FGFR4: variants seen among roughly 807,000 people sequenced by gnomAD.
FGFR4 encodes hydroxyaryl-protein kinase.
A neutral mutation model predicts 89.9 loss-of-function variants in FGFR4; 63 were observed. The observed-to-expected ratio is 0.70, with a 90% CI of 0.57 to 0.86. The LOEUF is 0.86. Ranked by LOEUF, FGFR4 falls within the 40% of genes least tolerant of loss-of-function variation. The pLI is 0.00. For missense variants in FGFR4, 928 were observed against 1,106.7 expected (o/e 0.84, Z 2.29); for synonymous variants, 486 against 479.4 (o/e 1.01, Z -0.18).
At chr5:177,097,200 A>T (rs928664009) in intron 16 of FGFR4, 92 bp from the exon 17 acceptor site, 5 of 1,031,684 alleles carry the variant, frequency 4.8e-6, no homozygotes, top group Non-Finnish European at 7.0e-6. Context: ...CAAACTCCCC[A>T]CCAAACTCCT....
intron 1 of FGFR4, among the ~76,000 whole-genome samples, chr5:177,088,695 T>C (rs938299471): frequency 5.3e-5 from 8 of 152,178 alleles, no homozygotes; most frequent in Non-Finnish European, 1.0e-4. Context: ...GGGGTGTGTG[T>C]ACATCACAGC....
At position 177,097,914 on chromosome 5, in the gene FGFR4, G is replaced by T; in HGVS notation, c.*238G>T. 1 of 457,748 alleles carries T rather than the reference G, an allele frequency of 2.2e-6. No homozygotes were observed. Among genetic ancestry groups the T allele is most frequent in the African/African-American group, 1.9e-5 (1 of 51,712 alleles). The allele number at this position is 457,748 out of a possible 1,614,324, so 28.4% of individuals were successfully genotyped here. A position where few individuals can be genotyped will look rare whatever the true frequency, so the allele number is the denominator to read the frequency against. On this transcript the variant is annotated 3_prime_UTR_variant, in exon 18 of 18. Coordinates refer to ENST00000292408, the MANE Select transcript of FGFR4 (RefSeq NM_213647.3). ...GCGCTTAGTCCCCATCCCGGGTTTG[G>T]CTGAGCCTGGCTGGAGAGCTGCTAT...
At chr5:177,091,168 A>T (rs1784355719) in intron 5 of FGFR4, 64 bp downstream of exon 5, 1 of 1,474,144 alleles carries the variant, frequency 6.8e-7, no homozygotes, top group Admixed American at 2.3e-5. Flanking sequence ...GTCCCCTCAT[A>T]CCTACAAGCA....
At position 177,096,312 on chromosome 5, in the gene FGFR4, C is replaced by T. The variant is rs780521793; in HGVS notation, c.1970C>T (p.Ala657Val). Reference protein sequence around the residue: ...SNGRLPVKWMAPEALFDRVYT... With the variant: ...SNGRLPVKWMVPEALFDRVYT... The stretch of plus-strand genomic sequence containing the variant: ...GGCCGCCTGCCTGTGAAGTGGATGG[C>T]GCCCGAGGCCTTGTTTGACCGGGTG... The change falls in exon 15 of 18, where the codon GCG (alanine) becomes GTG (valine). Residue 657 changes from alanine to valine, a missense_variant. By Grantham distance (64) the Ala-to-Val change is moderately conservative. This residue lies in a region of FGFR4 where 27 missense variants were observed against 64.4 expected (regional missense o/e 0.42). Transcript: ENST00000292408. 1 of 1,614,046 alleles carries T rather than the reference C, an allele frequency of 6.2e-7. No individual in the cohort carries two copies. Among genetic ancestry groups the T allele is most frequent in the Non-Finnish European group, 8.5e-7 (1 of 1,179,994 alleles).
chr5:177,096,831 G>A (rs2149739511), intron 16 of FGFR4, 90 bp downstream of exon 16: 1 of 1,463,996 alleles, frequency 6.8e-7, no homozygotes. Context: ...CGGCCAGAAG[G>A]ACAACACTAA....
rs562702722 is a variant in FGFR4 at position 177,091,587 on chromosome 5, C to G, written c.604-98C>G. The G allele has an allele frequency of 3.3e-6, 5 of 1,517,742 alleles. No individual in the cohort carries two copies. In the East Asian group the frequency reaches 9.2e-5, roughly 28 times the overall value. The allele number at this position is 1,517,742 out of a possible 1,614,324, so 94.0% of individuals were successfully genotyped here. On this transcript the variant is annotated intron_variant, in intron 5 of 17. Coordinates refer to ENST00000292408, the MANE Select transcript of FGFR4 (RefSeq NM_213647.3). ...TGTTCTCAGGGCCTAGAGAGCTTGA[C>G]AAGAGCCCTGTGGGCAGGATGAGGA...
rs371331546 is a variant in FGFR4 at position 177,096,155 on chromosome 5, T to G, written c.1920T>G (p.Ile640Met). 1.2e-4 allele frequency: 197 copies of G among 1,613,866 alleles called. No individual in the cohort carries two copies. The highest frequency in any genetic ancestry group is 1.5e-4 in the Non-Finnish European group (175 of 1,179,964). Residue 640 changes from isoleucine (I) to methionine (M), a missense_variant, in exon 14 of 18, where the codon ATT becomes ATG. Physicochemically the swap from Ile to Met is conservative, Grantham distance 10. Around this residue, in one of 5 missense-constraint regions of FGFR4, gnomAD observed 20 missense variants for 17.3 expected, o/e 1.16. Coordinates refer to ENST00000292408, the MANE Select transcript of FGFR4 (RefSeq NM_213647.3). ...GGCTGGCCCGCGGCGTCCACCACAT[T>G]GACTACTATAAGAAAACCAGCAACG... Reference protein sequence around the residue: ...DFGLARGVHHIDYYKKTSNGR... With the variant: ...DFGLARGVHHMDYYKKTSNGR...
chr5:177,095,850 T>G lies in FGFR4; in HGVS notation c.1821+127T>G. ...GACCCCACCTCAGTGTCCCCAGGCA[T>G]TCACGCTTTCCTGCATTCCCCACTC... is the stretch of plus-strand genomic sequence containing the variant. On this transcript the variant is annotated intron_variant, in intron 13 of 17. Coordinates refer to ENST00000292408, the MANE Select transcript of FGFR4 (RefSeq NM_213647.3). The surrounding 1 kb of genome is among the most constrained non-coding windows in gnomAD (Gnocchi z 5.7). The G allele has an allele frequency of 7.9e-7, 1 of 1,263,728 alleles. No individual in the cohort carries two copies. Among genetic ancestry groups the G allele is most frequent in the Non-Finnish European group, 1.1e-6 (1 of 933,078 alleles). The allele number at this position is 1,263,728 out of a possible 1,614,324, so 78.3% of individuals were successfully genotyped here.
chr5:177,094,378 T>C (rs1784476263), intron 11 of FGFR4, among the ~76,000 whole-genome samples: 1 of 152,160 alleles, frequency 6.6e-6, no homozygotes, highest in Admixed American at 6.5e-5. Context: ...GGGGTGATGA[T>C]GATGAGAAGA....
At chr5:177,088,031 G>GT (rs553068025) in intron 1 of FGFR4, among the ~76,000 whole-genome samples, 4 of 152,104 alleles carry the variant, frequency 2.6e-5, no homozygotes, top group Admixed American at 6.5e-5. Context: ...TTTTTTGTTT[G>GT]TTTTTTTATT....
intron 2 of FGFR4, chr5:177,090,135 CGTGT>C (rs59390048): frequency 6.8e-5 from 44 of 651,012 alleles, no homozygotes; most frequent in Middle Eastern, 2.7e-4. Flanking sequence ...TGTGTGTATG[CGTGT>C]GTGTGTGTGT....
rs1784544399 is a variant in FGFR4, at chr5:177,095,942, ACCT to A, written c.1822-107_1822-105del. 24 of 1,423,964 alleles carry A rather than the reference ACCT, an allele frequency of 1.7e-5. No homozygotes were observed. Among genetic ancestry groups the A allele is most frequent in the Middle Eastern group, 2.6e-4 (1 of 3,896 alleles). 88.2% of individuals were successfully genotyped at this position (1,423,964 alleles called of 1,614,324 possible). On this transcript the variant is annotated intron_variant, in intron 13 of 17. Transcript: ENST00000292408. The surrounding 1 kb of genome is among the most constrained non-coding windows in gnomAD (Gnocchi z 5.7). ...AGGCACTCCCCGTTTCTAAACCTTG[ACCT>A]CCTCCTCTGTAAAGTGGGTGGAGGG... is the stretch of plus-strand genomic sequence containing the variant.
chr5:177,091,952 G>A, intron 6 of FGFR4, 144 bp downstream of exon 6: 1 of 1,076,814 alleles, frequency 9.3e-7, no homozygotes, highest in Non-Finnish European at 1.4e-6. Context: ...AAAGCACAGG[G>A]GTTAGTGTGG....
At position 177,087,414 on chromosome 5, in the gene FGFR4, G is replaced by A. The variant is rs1784190532; in HGVS notation, c.-54+337G>A. 1 of 182,934 alleles carries A rather than the reference G, an allele frequency of 5.5e-6. No individual in the cohort carries two copies. Among genetic ancestry groups the A allele is most frequent in the Non-Finnish European group, 1.0e-5 (1 of 96,328 alleles). 11.3% of individuals were successfully genotyped at this position (182,934 alleles called of 1,614,324 possible). ...GGAGGACAAGCGCGCTTGTCCCTGC[G>A]GCTGTCTTCGCGCCGGCGGCAGAGA... On this transcript the variant is annotated intron_variant, in intron 1 of 17. Transcript: ENST00000292408. This position sits in a 1 kb window ranked among gnomAD's most constrained non-coding sequence, Gnocchi z 6.1.
At position 177,093,030 on chromosome 5, in the gene FGFR4, GT is replaced by G; in HGVS notation, c.1058-107del. The G allele has an allele frequency of 6.9e-7, 1 of 1,450,620 alleles. No individual in the cohort carries two copies. The highest frequency in any genetic ancestry group is 1.2e-5 in the South Asian group (1 of 85,320). 89.9% of individuals were successfully genotyped at this position (1,450,620 alleles called of 1,614,324 possible). A position where few individuals can be genotyped will look rare whatever the true frequency, so the allele number is the denominator to read the frequency against. ...CATAACTACAGCTTCCTCCGTGTGT[GT>G]CCCCACATATGTTGGGAGCTGGGAG... is the stretch of plus-strand genomic sequence containing the variant. On this transcript the variant is annotated intron_variant, in intron 8 of 17. Transcript: ENST00000292408. The surrounding 1 kb of genome is among the most constrained non-coding windows in gnomAD (Gnocchi z 5.8).
rs1358270816 is a variant in FGFR4 at position 177,096,662 on chromosome 5, GGC to G, written c.2075_2076del (p.Gly692AspfsTer32). On this transcript the variant is annotated frameshift_variant, in exon 16 of 18. Coordinates refer to ENST00000292408, the MANE Select transcript of FGFR4 (RefSeq NM_213647.3). LOFTEE classifies it high-confidence loss of function. ...CACCCTCGGGGGCTCCCCGTATCCT[GGC>G]ATCCCGGTGGAGGAGCTGTTCTCGC... ...IFTLGGSPYP[G>X]IPVEELFSLL... 7 of 1,612,078 alleles carry G rather than the reference GGC, an allele frequency of 4.3e-6. No homozygotes were observed. Among genetic ancestry groups the G allele is most frequent in the African/African-American group, 1.3e-5 (1 of 74,838 alleles).
At chr5:177,089,143 A>T (rs1191836719) in intron 1 of FGFR4, among the ~76,000 whole-genome samples, 1 of 152,032 alleles carries the variant, frequency 6.6e-6, no homozygotes, top group East Asian at 1.9e-4. Context: ...CTGAAGTTTG[A>T]CCTTGTGTCA....
rs970929567 is a variant in FGFR4 at position 177,095,230 on chromosome 5, A to G, written c.1520-100A>G. On this transcript the variant is annotated intron_variant, in intron 11 of 17. Coordinates refer to ENST00000292408, the MANE Select transcript of FGFR4 (RefSeq NM_213647.3). This position sits in a 1 kb window ranked among gnomAD's most constrained non-coding sequence, Gnocchi z 5.7. ...CTAGCAAGGATTCAGCCCTAGACCT[A>G]CGTAGCCCTGGTCCAGTGCTGCTTG... is the stretch of plus-strand genomic sequence containing the variant. The G allele has an allele frequency of 5.2e-6, 5 of 957,050 alleles. No homozygotes were observed. The highest frequency in any genetic ancestry group is 1.6e-5 in the African/African-American group (1 of 61,948). 59.3% of individuals were successfully genotyped at this position (957,050 alleles called of 1,614,324 possible).
Position 177,095,795 on chromosome 5 carries a change from C to G in FGFR4, c.1821+72C>G. The G allele has an allele frequency of 1.4e-6, 2 of 1,408,566 alleles. No homozygotes were observed. Among genetic ancestry groups the G allele is most frequent in the Non-Finnish European group, 1.9e-6 (2 of 1,055,316 alleles). The allele number at this position is 1,408,566 out of a possible 1,614,324, so 87.3% of individuals were successfully genotyped here. On this transcript the variant is annotated intron_variant, in intron 13 of 17. Transcript: ENST00000292408. This position sits in a 1 kb window ranked among gnomAD's most constrained non-coding sequence, Gnocchi z 5.7. The stretch of plus-strand genomic sequence containing the variant: ...CTCTCAGGCCTGTGGCATTCAATGT[C>G]CCGACTTCTCCCTCTCTGCTCTTTT...
Sources: allele counts gnomAD v4.1 joint callset (sites outside exome capture counted in the v4.1 genomes callset), GRCh38; gene constraint gnomAD v4.1.1; regional missense constraint gnomAD v4.1.1; non-coding constraint Gnocchi (gnomAD v3.1); transcripts MANE v1.5; gene names NCBI Gene and HGNC (gene_info 2026-07-23, HGNC 2026-07-21).